RBMS3: variants seen among roughly 807,000 people sequenced by gnomAD.
The protein encoded by RBMS3 is RNA binding motif single stranded interacting protein 3.
Under a neutral mutation model 66.8 loss-of-function variants are expected in RBMS3, and 27 were observed. The ratio of observed to expected loss-of-function variants is 0.40; its 90% confidence interval spans 0.30 to 0.56. The LOEUF is 0.56. Ranked by LOEUF, RBMS3 falls within the 20% of genes least tolerant of loss-of-function variation. The pLI is 0.40. For synonymous variants in RBMS3, 188 were observed against 183.0 expected (o/e 1.03, Z -0.22); for missense variants, 513 against 549.5 (o/e 0.93, Z 0.66).
intron 1 of RBMS3, among the ~76,000 whole-genome samples, chr3:29,408,265 C>A (rs1029204181): frequency 5.8e-5 from 7 of 119,992 alleles, no homozygotes; most frequent in African/African-American, 1.7e-4. Context: ...GAGCGAGACT[C>A]CATCTCAAAA....
At chr3:29,692,927 G>C (rs2052096509) in intron 4 of RBMS3, among the ~76,000 whole-genome samples, 1 of 152,020 alleles carries the variant, frequency 6.6e-6, no homozygotes, top group African/African-American at 2.4e-5. Flanking sequence ...TTTATGTTTT[G>C]GTACGGACAG....
intron 12 of RBMS3, among the ~76,000 whole-genome samples, chr3:29,976,764 C>A (rs1697616681): frequency 1.3e-5 from 2 of 152,042 alleles, no homozygotes; most frequent in Non-Finnish European, 2.9e-5. Context: ...GAAATGGTAT[C>A]AATTTGCCAA....
chr3:29,631,332 T>C (rs979641237), intron 4 of RBMS3, among the ~76,000 whole-genome samples: 3 of 151,896 alleles, frequency 2.0e-5, no homozygotes, highest in Admixed American at 6.6e-5. Context: ...TCTAGACATG[T>C]ACAATTTTGG....
intron 10 of RBMS3, among the ~76,000 whole-genome samples, chr3:29,925,861 T>TA (rs924690642): frequency 4.6e-5 from 7 of 152,014 alleles, no homozygotes; most frequent in South Asian, 2.1e-4. Context: ...TCTATTAAAC[T>TA]AAAAAAAATG....
chr3:30,007,317 A>ATCTT lies in RBMS3; in HGVS notation c.*3457_*3460dup, dbSNP rs1559886065. The stretch of plus-strand genomic sequence containing the variant: ...GTCGCCCATCCTAACTAGGACTATA[A>ATCTT]TCTTTTTTTTTTTCTTTAAGTTGAA... On this transcript the variant is annotated 3_prime_UTR_variant, in exon 15 of 15. Coordinates refer to ENST00000383767, the MANE Select transcript of RBMS3 (RefSeq NM_001003793.3). 1 of 151,838 alleles carries ATCTT rather than the reference A, an allele frequency of 6.6e-6. No homozygotes were observed. Among genetic ancestry groups the ATCTT allele is most frequent in the Non-Finnish European group, 1.5e-5 (1 of 67,906 alleles). 9.4% of individuals were successfully genotyped at this position (151,838 alleles called of 1,614,324 possible).
chr3:29,609,656 G>C (rs908566984), intron 4 of RBMS3, among the ~76,000 whole-genome samples: 1 of 152,024 alleles, frequency 6.6e-6, no homozygotes, highest in African/African-American at 2.4e-5. Context: ...TGTTGCCTCT[G>C]TGCCTGGCAA....
At chr3:29,759,690 C>T in intron 5 of RBMS3, among the ~76,000 whole-genome samples, 1 of 145,158 alleles carries the variant, frequency 6.9e-6, no homozygotes, top group East Asian at 2.0e-4. Flanking sequence ...CCTAAGATGG[C>T]TATTCAAATA....
intron 4 of RBMS3, among the ~76,000 whole-genome samples, chr3:29,629,249 G>C (rs574761355): frequency 6.6e-6 from 1 of 152,224 alleles, no homozygotes; most frequent in South Asian, 2.1e-4. Context: ...TGAGAATCCA[G>C]AGCCAGATGG....
intron 4 of RBMS3, among the ~76,000 whole-genome samples, chr3:29,728,186 T>C (rs2053965930): frequency 6.9e-6 from 1 of 145,688 alleles, no homozygotes; most frequent in Non-Finnish European, 1.5e-5. Context: ...GAGCGGAACA[T>C]CACACACTGG....
chr3:29,631,616 CT>C (rs1222678188), intron 4 of RBMS3, among the ~76,000 whole-genome samples: 1 of 151,862 alleles, frequency 6.6e-6, no homozygotes, highest in Non-Finnish European at 1.5e-5. Flanking sequence ...AAATTTGACC[CT>C]AACCAAAATA....
intron 12 of RBMS3, among the ~76,000 whole-genome samples, chr3:29,969,314 C>A (rs569510477): frequency 6.6e-6 from 1 of 152,300 alleles, no homozygotes; most frequent in South Asian, 2.1e-4. Context: ...CTTCTAAATT[C>A]ATATGATCTC....
chr3:29,494,826 CTA>C (rs897073186), intron 3 of RBMS3, among the ~76,000 whole-genome samples: 3 of 151,986 alleles, frequency 2.0e-5, no homozygotes, highest in African/African-American at 4.8e-5. Context: ...TTCCGACAGG[CTA>C]TATGTTTAGA....
intron 14 of RBMS3, among the ~76,000 whole-genome samples, chr3:30,000,835 C>T (rs7653423): frequency 0.032 from 4,823 of 151,998 alleles, 155 homozygotes; most frequent in African/African-American, 0.086. Flanking sequence ...GGGAGTTGAA[C>T]AGTGAGAACA....
chr3:29,835,287 C>A (rs980980631), intron 6 of RBMS3, among the ~76,000 whole-genome samples: 1 of 151,866 alleles, frequency 6.6e-6, no homozygotes, highest in African/African-American at 2.4e-5. Context: ...AACAAATGAA[C>A]CTAGCAGACA....
intron 12 of RBMS3, among the ~76,000 whole-genome samples, chr3:29,960,950 A>C (rs993742064): frequency 6.6e-6 from 1 of 152,054 alleles, no homozygotes; most frequent in Non-Finnish European, 1.5e-5. Flanking sequence ...CATGCCCTGG[A>C]GACATTTTTC....
chr3:29,648,844 C>A (rs753807117), intron 4 of RBMS3, among the ~76,000 whole-genome samples: 4 of 152,132 alleles, frequency 2.6e-5, no homozygotes, highest in Non-Finnish European at 5.9e-5. Flanking sequence ...ATTCTTACAT[C>A]ATTCTCTTCA....
At chr3:29,707,356 C>A (rs954557541) in intron 4 of RBMS3, among the ~76,000 whole-genome samples, 1 of 152,168 alleles carries the variant, frequency 6.6e-6, no homozygotes, top group South Asian at 2.1e-4. Flanking sequence ...TAAACACATT[C>A]ATCGTTATAG....
intron 1 of RBMS3, among the ~76,000 whole-genome samples, chr3:29,406,982 A>G (rs1038024213): frequency 6.6e-6 from 1 of 152,168 alleles, no homozygotes; most frequent in Non-Finnish European, 1.5e-5. Context: ...TTAGATTACT[A>G]TTTTTAAGCT....
chr3:29,764,666 C>T (rs1201046993), intron 6 of RBMS3, among the ~76,000 whole-genome samples: 1 of 152,024 alleles, frequency 6.6e-6, no homozygotes, highest in African/African-American at 2.4e-5. Flanking sequence ...TATTGAAAGC[C>T]TTCTTGCCCT....
Sources: gnomAD v4.1 joint callset for allele counts (sites outside exome capture counted in the v4.1 genomes callset) on GRCh38, gnomAD v4.1.1 for gene constraint, MANE v1.5 for transcripts, NCBI Gene and HGNC (gene_info 2026-07-23, HGNC 2026-07-21) for gene names.